Variants in MACF1 observed in about 807,000 individuals in gnomAD.
The protein encoded by MACF1 is microtubule actin crosslinking factor 1.
In MACF1, 193 loss-of-function variants were observed where a neutral mutation model predicts 854.8. The ratio of observed to expected loss-of-function variants is 0.23; its 90% CI spans 0.20 to 0.25. MACF1 has a LOEUF of 0.25. Ranked by LOEUF, MACF1 falls within the 10% of genes least tolerant of loss-of-function variation. The pLI, the probability that MACF1 is intolerant of heterozygous loss-of-function variation, is 1.00. For synonymous variants in MACF1, 3,185 were observed against 3,226.7 expected, an observed-to-expected ratio of 0.99 and a Z score of 0.44; for missense variants, 7,722 against 8,929.1, an observed-to-expected ratio of 0.86 and a Z score of 5.45.
chr1:39,394,247 ATTG>A (rs1642182165), intron 58 of MACF1, among the ~76,000 whole-genome samples: 1 of 145,772 alleles, frequency 6.9e-6, no homozygotes, highest in Non-Finnish European at 1.5e-5. Flanking sequence ...CATTTGATTG[ATTG>A]ATTGATTGAT....
Position 39,385,319 on chromosome 1 carries a change from C to T in MACF1, c.13849-115C>T, listed in dbSNP as rs576926071. 8.2e-5 allele frequency: 93 copies of T among 1,132,400 alleles called. 1 individual carries two copies. The Admixed American group carries it at 1.6e-3, about 19-fold the overall frequency. The allele number at this position is 1,132,400 out of a possible 1,614,324, so 70.1% of individuals were successfully genotyped here. ...CTGACCTCAAGTGATCCTCCCACCTCGGCCTCCCAAAGTGCTGCGATTACA... is the reference window on the plus strand; with the variant it reads ...CTGACCTCAAGTGATCCTCCCACCTTGGCCTCCCAAAGTGCTGCGATTACA... On this transcript the variant is annotated intron_variant, in intron 56 of 100. Transcript: ENST00000564288.
intron 1 of MACF1, among the ~76,000 whole-genome samples, chr1:39,207,545 G>T (rs906480154): frequency 6.6e-6 from 1 of 152,002 alleles, no homozygotes; most frequent in African/African-American, 2.4e-5. Flanking sequence ...CTCCCAAAGT[G>T]CTGGGATTAT....
rs1644207243 is a variant in MACF1, at chr1:39,188,509, C to T, written c.221-42673C>T. On this transcript the variant is annotated intron_variant, in intron 2 of 93. Transcript: ENST00000361689. ...TAACCAGGTAGAGGAGGTTGGTTTC[C>T]CCAGGAAAGACTGGCCAGTCTCCCA... Among the ~76,000 whole-genome samples, 6 of 152,294 alleles carry T rather than the reference C, an allele frequency of 3.9e-5. 1 individual carries two copies. Among genetic ancestry groups the T allele is most frequent in the African/African-American group, 1.4e-4 (6 of 41,550 alleles).
intron 97 of MACF1, among the ~76,000 whole-genome samples, chr1:39,477,076 T>TACACACAC (rs1557675026): frequency 1.7e-4 from 3 of 17,318 alleles, no homozygotes; most frequent in African/African-American, 5.8e-4. Context: ...TATATATATA[T>TACACACAC]ATATATATAT....
intron 6 of MACF1, among the ~76,000 whole-genome samples, chr1:39,269,943 G>A (rs944221075): frequency 6.6e-6 from 1 of 152,182 alleles, no homozygotes; most frequent in Non-Finnish European, 1.5e-5. Flanking sequence ...ATTCTGAGTA[G>A]CCAAGTGGCG....
chr1:39,456,560 C>T (rs1173265397), intron 89 of MACF1: 3 of 152,202 alleles, frequency 2.0e-5, no homozygotes, highest in Non-Finnish European at 2.9e-5. Context: ...GTAACTTCAT[C>T]GTAAGTCGAG....
At chr1:39,311,434 A>G (rs1646298885) in intron 26 of MACF1, among the ~76,000 whole-genome samples, 2 of 152,326 alleles carry the variant, frequency 1.3e-5, no homozygotes, top group South Asian at 2.1e-4. Flanking sequence ...ACTTTGAGCA[A>G]GTGAGCTCTC....
chr1:39,331,172 C>CTGT, intron 36 of MACF1, 31 bp from the exon 37 acceptor site: 1 of 1,297,960 alleles, frequency 7.7e-7, no homozygotes, highest in East Asian at 2.9e-5. Flanking sequence ...TTCTCTTTTC[C>CTGT]TTTTTTTTTT....
intron 6 of MACF1, chr1:39,260,527 G>C (rs993568339): frequency 2.0e-5 from 3 of 152,024 alleles, no homozygotes; most frequent in African/African-American, 7.2e-5. Context: ...ACCACGCTCA[G>C]CTAATTTTTT....
At chr1:39,144,138 TG>T in intron 2 of MACF1, among the ~76,000 whole-genome samples, 1 of 142,854 alleles carries the variant, frequency 7.0e-6, no homozygotes, top group Non-Finnish European at 1.5e-5. Context: ...TGGAGTGCAA[TG>T]GCACGATCTC....
chr1:39,317,102 C>G, intron 28 of MACF1, 112 bp from the exon 29 acceptor site: 5 of 1,090,268 alleles, frequency 4.6e-6, no homozygotes, highest in Non-Finnish European at 6.6e-6. Context: ...AGGGCACAAT[C>G]ACATATACAA....
chr1:39,119,573 A>T (rs1225553176), intron 2 of MACF1, among the ~76,000 whole-genome samples: 1 of 151,862 alleles, frequency 6.6e-6, no homozygotes, highest in Non-Finnish European at 1.5e-5. Flanking sequence ...TGGTTGTTTT[A>T]TTTCTTAGTG....
At position 39,453,718 on chromosome 1, in the gene MACF1, G is replaced by A. The variant is rs765078511; in HGVS notation, c.20754G>A (p.Lys6918=). Residue 6918 remains lysine (K), a synonymous_variant, in exon 88 of 101, where the codon AAG becomes AAA. Transcript: ENST00000564288. ...TCTTTTTTGTTTAGGAATTCATGAA[G>A]AAAGTAGAAGAAAAGCGAGTGGACG... ...SLIDTHKEFM[K]KVEEKRVDVN... The A allele has an allele frequency of 2.2e-5, 35 of 1,613,984 alleles. No homozygotes were observed. The highest frequency in any genetic ancestry group is 4.0e-5 in the African/African-American group (3 of 74,924).
intron 72 of MACF1, 102 bp from the exon 73 acceptor site, chr1:39,440,901 G>A: frequency 8.6e-7 from 1 of 1,156,876 alleles, no homozygotes; most frequent in South Asian, 1.4e-5. Context: ...TGACAGTTAT[G>A]TTGAGCATCT....
chr1:39,287,671 A>G, intron 15 of MACF1, 109 bp downstream of exon 15: 3 of 1,214,498 alleles, frequency 2.5e-6, no homozygotes, highest in Non-Finnish European at 3.5e-6. Context: ...TCCCTTAATT[A>G]TTATTATTCT....
At chr1:39,412,431 AG>A in intron 58 of MACF1, 1 of 1,614,040 alleles carries the variant, frequency 6.2e-7, no homozygotes, top group Non-Finnish European at 8.5e-7. Context: ...GTGAGGCAAA[AG>A]AGCTGGATTA....
At chr1:39,085,238 T>C (rs1641642502) in intron 2 of MACF1, among the ~76,000 whole-genome samples, 1 of 152,196 alleles carries the variant, frequency 6.6e-6, no homozygotes, top group Non-Finnish European at 1.5e-5. Context: ...GCCTTGAAGG[T>C]TAGATGAAAT....
intron 2 of MACF1, among the ~76,000 whole-genome samples, chr1:39,107,827 C>T (rs1488203685): frequency 6.6e-6 from 1 of 152,164 alleles, no homozygotes; most frequent in Non-Finnish European, 1.5e-5. Flanking sequence ...TTGGATCTCT[C>T]TCTGCTGCTA....
chr1:39,225,796 C>A (rs957178747), intron 1 of MACF1, among the ~76,000 whole-genome samples: 13 of 152,104 alleles, frequency 8.5e-5, no homozygotes, highest in African/African-American at 3.1e-4. Context: ...TCTGCCTAAC[C>A]TTCAATGTTA....
Sources: gnomAD v4.1 joint callset for allele counts (sites outside exome capture counted in the v4.1 genomes callset) on GRCh38, gnomAD v4.1.1 for gene constraint, MANE v1.5 for transcripts, NCBI Gene and HGNC (gene_info 2026-07-23, HGNC 2026-07-21) for gene names.